TJP2: variants seen among roughly 807,000 people sequenced by gnomAD.
TJP2 encodes Friedreich ataxia region gene X104 (tight junction protein ZO-2).
A neutral mutation model predicts 133.1 loss-of-function variants in TJP2; 91 were observed. The observed-to-expected ratio is 0.68, with a 90% CI of 0.58 to 0.81. TJP2 has a LOEUF of 0.81. Ranked by LOEUF, TJP2 falls within the 40% of genes least tolerant of loss-of-function variation. The probability of loss-of-function intolerance (pLI) is 0.00; values close to 1 mark genes in which losing one functional copy is unlikely to be tolerated. For missense variants in TJP2, 1,541 were observed against 1,565.6 expected (o/e 0.98, Z 0.26); for synonymous variants, 592 against 583.4 (o/e 1.01, Z -0.21).
In TJP2 at chr9:69,230,023, T is replaced by A; in HGVS notation, c.1521-59T>A. 3 of 1,598,154 alleles carry A rather than the reference T, an allele frequency of 1.9e-6. No homozygotes were observed. The Admixed American group carries it at 5.0e-5, about 27-fold the overall frequency. Reference sequence around the variant, plus strand: ...AATTAAATCTCTCATTTGCTAATGTTGTTCTCCCTTTTAAAAAATATCTCC... The same window carrying A: ...AATTAAATCTCTCATTTGCTAATGTAGTTCTCCCTTTTAAAAAATATCTCC... On this transcript the variant is annotated intron_variant, in intron 10 of 22. Coordinates refer to ENST00000377245, the MANE Select transcript of TJP2 (RefSeq NM_004817.4).
intron 21 of TJP2, among the ~76,000 whole-genome samples, chr9:69,252,106 C>G (rs1831380542): frequency 6.6e-6 from 1 of 152,064 alleles, no homozygotes; most frequent in African/African-American, 2.4e-5. Flanking sequence ...GAGATACTCC[C>G]ACCTCAGCCT....
chr9:69,157,787 A>G (rs1004077813), intron 2 of TJP2, among the ~76,000 whole-genome samples: 8 of 152,128 alleles, frequency 5.3e-5, no homozygotes, highest in Non-Finnish European at 7.3e-5. Flanking sequence ...CTAATGACTT[A>G]AAGCTAAACA....
chr9:69,196,195 T>C (rs1288979823), intron 1 of TJP2, among the ~76,000 whole-genome samples: 4 of 152,198 alleles, frequency 2.6e-5, no homozygotes, highest in African/African-American at 7.2e-5. Context: ...AATAGGTGTA[T>C]AGTGGAGAGG....
chr9:69,152,978 T>C (rs1413147334), intron 2 of TJP2, among the ~76,000 whole-genome samples: 1 of 151,548 alleles, frequency 6.6e-6, no homozygotes, highest in Non-Finnish European at 1.5e-5. Context: ...AATCCCACTG[T>C]TTTGGGAAGT....
intron 1 of TJP2, among the ~76,000 whole-genome samples, chr9:69,207,915 G>A (rs967453028): frequency 6.6e-6 from 1 of 152,204 alleles, no homozygotes; most frequent in Non-Finnish European, 1.5e-5. Flanking sequence ...TTATATAAAT[G>A]AGGCAGGAAA....
chr9:69,251,594 G>T (rs1471864469), intron 21 of TJP2, among the ~76,000 whole-genome samples: 1 of 152,042 alleles, frequency 6.6e-6, no homozygotes, highest in Non-Finnish European at 1.5e-5. Flanking sequence ...TTTATACACA[G>T]AACTTTGTAT....
Position 69,240,060 on chromosome 9 carries a change from A to C in TJP2, c.2479A>C (p.Arg827=), listed in dbSNP as rs1241623713. ...ACAAGGTGTCAAAACCATGAGACAA[A>C]GGTTAAATCCAACGTCCAACAAAAG... ...SRQGVKTMRQ[R]LNPTSNKSSR... is the part of the protein sequence containing the mutation. The change falls in exon 17 of 23, where the codon AGG becomes CGG. Residue 827 remains arginine, a synonymous_variant. Coordinates refer to ENST00000377245, the MANE Select transcript of TJP2 (RefSeq NM_004817.4). The C allele has an allele frequency of 6.2e-7, 1 of 1,614,182 alleles. No homozygotes were observed. The highest frequency in any genetic ancestry group is 8.5e-7 in the Non-Finnish European group (1 of 1,180,036).
At position 69,189,563 on chromosome 9, in the gene TJP2, T is replaced by C. The variant is rs186087941; in HGVS notation, c.60+15131T>C. Among the ~76,000 whole-genome samples the C allele has an allele frequency of 6.8e-4, 102 of 150,544 alleles. 1 individual carries two copies. The highest frequency in any genetic ancestry group is 3.8e-4 in the Non-Finnish European group (26 of 67,878). ...TGAGCCCAGGAGTTGGAGGCTACAG[T>C]GAGTTCTGATTGTCCTGTGAATAGG... is the stretch of plus-strand genomic sequence containing the variant. On this transcript the variant is annotated intron_variant, in intron 1 of 22. Transcript: ENST00000377245.
chr9:69,147,394 C>A (rs1469359425), intron 1 of TJP2, among the ~76,000 whole-genome samples: 1 of 152,088 alleles, frequency 6.6e-6, no homozygotes. Context: ...TTGTTCTGAA[C>A]CTATGATTAG....
chr9:69,235,372 G>T (rs917548777), intron 12 of TJP2, among the ~76,000 whole-genome samples: 1 of 151,778 alleles, frequency 6.6e-6, no homozygotes, highest in Non-Finnish European at 1.5e-5. Flanking sequence ...GCTGAGGCTG[G>T]AGTGCAGTGG....
chr9:69,152,817 C>CTT (rs10543289), intron 2 of TJP2, among the ~76,000 whole-genome samples: 587 of 48,030 alleles, frequency 0.012, 92 homozygotes, highest in Non-Finnish European at 0.016. Flanking sequence ...CTCTGGAGCT[C>CTT]TTTTTTTTTT....
At chr9:69,149,389 A>G (rs1165837137) in intron 1 of TJP2, among the ~76,000 whole-genome samples, 1 of 152,198 alleles carries the variant, frequency 6.6e-6, no homozygotes, top group South Asian at 2.1e-4. Context: ...AATAGAAACC[A>G]TGTATGGGCT....
At position 69,225,397 on chromosome 9, in the gene TJP2, T is replaced by C; in HGVS notation, c.1046T>C (p.Ile349Thr). 6.2e-7 allele frequency: 1 copy of C among 1,612,662 alleles called. No individual in the cohort carries two copies. The highest frequency in any genetic ancestry group is 2.2e-5 in the East Asian group (1 of 44,858). The change falls in exon 6 of 23, where the codon ATA becomes ACA. Residue 349 changes from isoleucine (I) to threonine (T), a missense_variant. Transcript: ENST00000377245. Reference protein sequence around the residue: ...TKDGNLHEGDIILKINGTVTE... With the variant: ...TKDGNLHEGDTILKINGTVTE... ...GATGGCAACCTTCACGAAGGAGACATAATTCTCAAGGTGGGTAGATGGGGG... is the reference window on the plus strand; with the variant it reads ...GATGGCAACCTTCACGAAGGAGACACAATTCTCAAGGTGGGTAGATGGGGG...
chr9:69,196,803 G>A (rs1038097591), intron 1 of TJP2, among the ~76,000 whole-genome samples: 1 of 151,978 alleles, frequency 6.6e-6, no homozygotes, highest in African/African-American at 2.4e-5. Flanking sequence ...CATAGTCTTA[G>A]GGAACCAGTA....
chr9:69,224,900 G>T (rs1829217223), intron 5 of TJP2, among the ~76,000 whole-genome samples: 1 of 151,768 alleles, frequency 6.6e-6, no homozygotes, highest in Non-Finnish European at 1.5e-5. Flanking sequence ...TATTTCAGAG[G>T]TATCTTCCAA....
upstream of TJP2, among the ~76,000 whole-genome samples, chr9:69,172,166 T>C (rs371415956): frequency 6.6e-6 from 1 of 152,224 alleles, no homozygotes; most frequent in East Asian, 1.9e-4. Context: ...GTGAAGAAGA[T>C]GACTAATAAA....
chr9:69,235,323 A>T (rs144173465), intron 12 of TJP2, among the ~76,000 whole-genome samples: 1 of 50,318 alleles, frequency 2.0e-5, no homozygotes, highest in Non-Finnish European at 5.0e-5. Context: ...TTATTTATTT[A>T]TTTATTATTA....
chr9:69,152,817 C>CTTTTTTTTTT lies in TJP2; in HGVS notation c.-10+1068_-10+1077dup, dbSNP rs10543289. 2.2e-3 allele frequency among the ~76,000 whole-genome samples: 104 copies of CTTTTTTTTTT among 48,030 alleles called. 14 individuals are homozygous for CTTTTTTTTTT. Among genetic ancestry groups the CTTTTTTTTTT allele is most frequent in the East Asian group, 5.0e-3 (6 of 1,200 alleles). The allele number at this position is 48,030 out of a possible 152,430, so 31.5% of individuals were successfully genotyped here. On this transcript the variant is annotated intron_variant, in intron 2 of 5. Transcript: ENST00000423935. ...TTACTGAAATGTTCTCTCTGGAGCT[C>CTTTTTTTTTT]TTTTTTTTTTTTTTTTTTTTTTTTT...
rs143970515 is a variant in TJP2, at chr9:69,157,880, G to A, written c.-10+6109G>A. On this transcript the variant is annotated intron_variant, in intron 2 of 5. Coordinates refer to the TJP2 transcript ENST00000423935. Reference sequence around the variant, plus strand: ...AGTGCTGGTCATTTGGCCTATCCTTGGAAATCTGTGATGTCTGGACATCTT... The same window carrying A: ...AGTGCTGGTCATTTGGCCTATCCTTAGAAATCTGTGATGTCTGGACATCTT... 8.5e-5 allele frequency among the ~76,000 whole-genome samples: 13 copies of A among 152,246 alleles called. No homozygotes were observed. In the East Asian group the frequency reaches 2.5e-3, roughly 29 times the overall value.
Sources: gnomAD v4.1 joint callset for allele counts (sites outside exome capture counted in the v4.1 genomes callset) on GRCh38, gnomAD v4.1.1 for gene constraint, MANE v1.5 for transcripts, NCBI Gene and HGNC (gene_info 2026-07-23, HGNC 2026-07-21) for gene names.